Variants in SDK2 observed in about 807,000 individuals in gnomAD.
The protein encoded by SDK2 is sidekick cell adhesion molecule 2.
Under a neutral mutation model 253.9 loss-of-function variants are expected in SDK2, and 105 were observed. That is an observed-to-expected ratio of 0.41 (90% CI 0.35 to 0.49). SDK2 has a LOEUF of 0.49. SDK2 is among the 20% of genes least tolerant of loss of function. The probability of loss-of-function intolerance (pLI) is 0.06; values close to 1 mark genes in which losing one functional copy is unlikely to be tolerated. For synonymous variants in SDK2, 1,249 were observed against 1,234.9 expected (o/e 1.01, Z -0.24); for missense variants, 2,608 against 3,003.0 (o/e 0.87, Z 3.07).
chr17:73,411,808 CAG>C (rs1451498286), intron 18 of SDK2, among the ~76,000 whole-genome samples: 3 of 137,990 alleles, frequency 2.2e-5, no homozygotes, highest in South Asian at 2.3e-4. Flanking sequence ...TTTTTTTGGT[CAG>C]AGTCTCGCTG....
chr17:73,444,586 C>T (rs1449469351), intron 5 of SDK2, among the ~76,000 whole-genome samples: 1 of 152,210 alleles, frequency 6.6e-6, no homozygotes, highest in African/African-American at 2.4e-5. Flanking sequence ...ATCCATCCTC[C>T]CTGAATCACC....
At chr17:73,344,412 G>A (rs1335979594) in intron 44 of SDK2, among the ~76,000 whole-genome samples, 1 of 152,172 alleles carries the variant, frequency 6.6e-6, no homozygotes, top group Non-Finnish European at 1.5e-5. Context: ...TCCTCTCCGT[G>A]CTGGGCAGCT....
chr17:73,389,316 T>G (rs2062907051), intron 29 of SDK2, among the ~76,000 whole-genome samples: 1 of 147,340 alleles, frequency 6.8e-6, no homozygotes, highest in Non-Finnish European at 1.5e-5. Context: ...TCCAAGTAGC[T>G]GGGGTTACTG....
intron 1 of SDK2, among the ~76,000 whole-genome samples, chr17:73,632,087 T>C (rs2046278470): frequency 6.6e-6 from 1 of 152,248 alleles, no homozygotes; most frequent in Admixed American, 6.5e-5. Flanking sequence ...GCAACAGCCG[T>C]ATCCTCACTC....
At chr17:73,382,664 G>A (rs185748638) in intron 33 of SDK2, among the ~76,000 whole-genome samples, 60 of 152,338 alleles carry the variant, frequency 3.9e-4, no homozygotes, top group Admixed American at 2.5e-3. Flanking sequence ...CCGCCAATGC[G>A]GAATACTAAA....
At position 73,437,989 on chromosome 17, in the gene SDK2, G is replaced by T; in HGVS notation, c.891C>A (p.Val297=). The change falls in exon 7 of 45, where the codon GTC becomes GTA. Residue 297 remains valine (V), a synonymous_variant. Transcript: ENST00000392650. ...CCAGCACTGAGAGGTAGGCGCCCCG[G>T]ACAACAGAGGGGACGCTGCTGCTGC... ...VLRSSSVPSV[V]RGAYLSVLEP... The T allele has an allele frequency of 6.4e-7, 1 of 1,550,910 alleles. No homozygotes were observed. The highest frequency in any genetic ancestry group is 8.7e-7 in the Non-Finnish European group (1 of 1,146,640).
At chr17:73,636,572 T>G (rs1241584452) in intron 1 of SDK2, among the ~76,000 whole-genome samples, 1 of 149,174 alleles carries the variant, frequency 6.7e-6, no homozygotes, top group Non-Finnish European at 1.5e-5. Flanking sequence ...TCCTAGCTAC[T>G]CGGGAGGCTG....
intron 1 of SDK2, among the ~76,000 whole-genome samples, chr17:73,546,903 C>A (rs1173646232): frequency 6.6e-6 from 1 of 152,216 alleles, no homozygotes; most frequent in African/African-American, 2.4e-5. Flanking sequence ...AGGTGCAGAG[C>A]TGGGATGCAA....
intron 1 of SDK2, among the ~76,000 whole-genome samples, chr17:73,619,931 G>A (rs2046107572): frequency 6.6e-6 from 1 of 152,176 alleles, no homozygotes; most frequent in Non-Finnish European, 1.5e-5. Flanking sequence ...GTGGTGGCTG[G>A]CTCATGCCAG....
intron 38 of SDK2, among the ~76,000 whole-genome samples, chr17:73,363,640 A>G (rs1242355904): frequency 6.6e-6 from 1 of 152,088 alleles, no homozygotes; most frequent in Non-Finnish European, 1.5e-5. Context: ...TGCTGTACTT[A>G]TTAACTGAAC....
At position 73,379,092 on chromosome 17, in the gene SDK2, C is replaced by A; in HGVS notation, c.4980+85G>T. The A allele has an allele frequency of 9.9e-7, 1 of 1,009,226 alleles. No homozygotes were observed. The highest frequency in any genetic ancestry group is 1.5e-5 in the South Asian group (1 of 66,260). The allele number at this position is 1,009,226 out of a possible 1,614,324, so 62.5% of individuals were successfully genotyped here. A position where few individuals can be genotyped will look rare whatever the true frequency, so the allele number is the denominator to read the frequency against. On this transcript the variant is annotated intron_variant, in intron 36 of 44. Coordinates refer to ENST00000392650, the MANE Select transcript of SDK2 (RefSeq NM_001144952.2). The surrounding 1 kb of genome is among the most constrained non-coding windows in gnomAD (Gnocchi z 4.5). ...ATGAATGGAGGGCCTGGGGACCTGCCTGCCTCCCACATATCACTCACTCCC... is the reference window on the plus strand; with the variant it reads ...ATGAATGGAGGGCCTGGGGACCTGCATGCCTCCCACATATCACTCACTCCC...
intron 44 of SDK2, among the ~76,000 whole-genome samples, chr17:73,347,317 G>A (rs917577083): frequency 2.6e-5 from 4 of 152,158 alleles, no homozygotes; most frequent in Admixed American, 6.6e-5. Flanking sequence ...TGGAGATTGC[G>A]CCACTGCACT....
chr17:73,487,902 C>A (rs1399236969), intron 2 of SDK2, among the ~76,000 whole-genome samples: 1 of 152,242 alleles, frequency 6.6e-6, no homozygotes, highest in Non-Finnish European at 1.5e-5. Context: ...TGGCTTCAGA[C>A]AACCCTTTAC....
Position 73,603,787 on chromosome 17 carries a change from G to T in SDK2, c.64+40238C>A, listed in dbSNP as rs375631951. On this transcript the variant is annotated intron_variant, in intron 1 of 44. Coordinates refer to ENST00000392650, the MANE Select transcript of SDK2 (RefSeq NM_001144952.2). Reference sequence around the variant, plus strand: ...ACACAGCTTGTGGGTGGCAAAGCTGGGCCTTCAACCTAGGCCTGTCTGGCT... The same window carrying T: ...ACACAGCTTGTGGGTGGCAAAGCTGTGCCTTCAACCTAGGCCTGTCTGGCT... 2.6e-5 allele frequency among the ~76,000 whole-genome samples: 4 copies of T among 152,298 alleles called. No homozygotes were observed. In the South Asian group the frequency reaches 6.2e-4, roughly 24 times the overall value.
rs201624486 is a variant in SDK2 at position 73,387,826 on chromosome 17, C to G, written c.4394+10G>C. ...GGCAGTGGGGATGCTGGCATGGACC[C>G]GAGCCTTACCTGTCCACAATGAAGC... On this transcript the variant is annotated intron_variant, in intron 30 of 44. Coordinates refer to ENST00000392650, the MANE Select transcript of SDK2 (RefSeq NM_001144952.2). 5 of 1,547,280 alleles carry G rather than the reference C, an allele frequency of 3.2e-6. No homozygotes were observed. Among genetic ancestry groups the G allele is most frequent in the Non-Finnish European group, 3.5e-6 (4 of 1,141,504 alleles).
chr17:73,616,566 T>C lies in SDK2; in HGVS notation c.64+27459A>G, dbSNP rs2046060739. Among the ~76,000 whole-genome samples, 1 of 152,194 alleles carries C rather than the reference T, an allele frequency of 6.6e-6. No homozygotes were observed. The highest frequency in any genetic ancestry group is 1.5e-5 in the Non-Finnish European group (1 of 68,036). Reference sequence around the variant, plus strand: ...AATTACCACGTGGCAGCAGATCCTTTTTCTGGAGTAATGGAATCTTAGTCC... The same window carrying C: ...AATTACCACGTGGCAGCAGATCCTTCTTCTGGAGTAATGGAATCTTAGTCC... On this transcript the variant is annotated intron_variant, in intron 1 of 44. Coordinates refer to ENST00000392650, the MANE Select transcript of SDK2 (RefSeq NM_001144952.2). The surrounding 1 kb of genome is among the most constrained non-coding windows in gnomAD (Gnocchi z 5.2).
intron 40 of SDK2, chr17:73,357,736 TG>T (rs977966489): frequency 5.4e-6 from 2 of 371,214 alleles, no homozygotes; most frequent in Admixed American, 4.4e-5. Context: ...TTCTTAGTTA[TG>T]GGGCACCCAT....
intron 44 of SDK2, among the ~76,000 whole-genome samples, chr17:73,345,189 G>A (rs1274303699): frequency 6.6e-6 from 1 of 152,092 alleles, no homozygotes; most frequent in Admixed American, 6.5e-5. Context: ...TGTGGTGGTA[G>A]GTGCCTGTAA....
chr17:73,441,776 G>A (rs934405024), intron 5 of SDK2, among the ~76,000 whole-genome samples: 3 of 152,208 alleles, frequency 2.0e-5, no homozygotes, highest in Admixed American at 1.3e-4. Flanking sequence ...CAGGCCATAA[G>A]AGACTAAAAT....
Sources: allele counts gnomAD v4.1 joint callset (sites outside exome capture counted in the v4.1 genomes callset), GRCh38; gene constraint gnomAD v4.1.1; non-coding constraint Gnocchi (gnomAD v3.1); transcripts MANE v1.5; gene names NCBI Gene and HGNC (gene_info 2026-07-23, HGNC 2026-07-21).